The following PRRC2C variants were observed in gnomAD, a reference collection of about 807,000 sequenced individuals.
PRRC2C encodes protein PRRC2C.
Under a neutral mutation model 317.2 loss-of-function variants are expected in PRRC2C, and 72 were observed. That is an observed-to-expected ratio of 0.23 (90% confidence interval 0.19 to 0.28). The LOEUF (loss-of-function observed/expected upper bound fraction) is 0.28. Ranked by LOEUF, PRRC2C falls within the 10% of genes least tolerant of loss-of-function variation. The pLI is 1.00. For missense variants in PRRC2C, 3,074 were observed against 3,459.7 expected (o/e 0.89, Z 2.80); for synonymous variants, 1,296 against 1,205.9 (o/e 1.07, Z -1.55).
intron 23 of PRRC2C, among the ~76,000 whole-genome samples, chr1:171,568,821 A>G (rs989557661): frequency 6.6e-6 from 1 of 151,298 alleles, no homozygotes; most frequent in Non-Finnish European, 1.5e-5. Context: ...TGTTAACAAC[A>G]TTCTTGTTGT....
chr1:171,501,921 TTC>T (rs1669183048), intron 1 of PRRC2C, among the ~76,000 whole-genome samples: 1 of 152,258 alleles, frequency 6.6e-6, no homozygotes, highest in Non-Finnish European at 1.5e-5. Flanking sequence ...TACTAGCTTT[TTC>T]CTCCAGTGGC....
At position 171,579,734 on chromosome 1, in the gene PRRC2C, T is replaced by C. The variant is rs993792891; in HGVS notation, c.7273-94T>C. The stretch of plus-strand genomic sequence containing the variant: ...AGCTGATATATAGTATTAATTTTAC[T>C]CTTTTCATGTCTCAAATTTTTATAT... On this transcript the variant is annotated intron_variant, in intron 27 of 34. Coordinates refer to ENST00000647382, the MANE Select transcript of PRRC2C (RefSeq NM_001387844.1). 18 of 1,379,336 alleles carry C rather than the reference T, an allele frequency of 1.3e-5. No homozygotes were observed. The Admixed American group carries it at 4.4e-4, about 34-fold the overall frequency. 85.4% of individuals were successfully genotyped at this position (1,379,336 alleles called of 1,614,324 possible).
At chr1:171,496,471 A>G (rs1339321956) in intron 1 of PRRC2C, among the ~76,000 whole-genome samples, 1 of 151,700 alleles carries the variant, frequency 6.6e-6, no homozygotes, top group African/African-American at 2.4e-5. Flanking sequence ...CCAGAGTGCT[A>G]GGATTACAGA....
intron 26 of PRRC2C, among the ~76,000 whole-genome samples, chr1:171,578,056 A>G (rs1203447074): frequency 6.7e-6 from 1 of 148,160 alleles, no homozygotes; most frequent in African/African-American, 2.5e-5. Context: ...TCAGCCTCCC[A>G]AAGTGCTGGA....
At position 171,589,570 on chromosome 1, in the gene PRRC2C, G is replaced by T. The variant is rs1650889072; in HGVS notation, c.8401G>T (p.Ala2801Ser). 3.1e-6 allele frequency: 4 copies of T among 1,289,592 alleles called. No individual in the cohort carries two copies. The highest frequency in any genetic ancestry group is 4.0e-6 in the Non-Finnish European group (4 of 988,856). 79.9% of individuals were successfully genotyped at this position (1,289,592 alleles called of 1,614,324 possible). A position where few individuals can be genotyped will look rare whatever the true frequency, so the allele number is the denominator to read the frequency against. The change falls in exon 34 of 35, where the codon GCC (alanine) becomes TCC (serine). Residue 2801 changes from alanine (A) to serine (S), a missense_variant. Physicochemically the swap from Ala to Ser is moderately conservative, Grantham distance 99. This residue lies in a region of PRRC2C where 490 missense variants were observed against 663.1 expected (regional missense o/e 0.74). Transcript: ENST00000647382. ...ACTATCTGGAGTCAGAGGTAATCAG[G>T]CCCAGGCTGCGTTGAAGGCTGAACA... ...GSLSGVRGNQ[A>S]QAALKAEQDM...
chr1:171,500,886 A>G (rs992983807), intron 1 of PRRC2C, among the ~76,000 whole-genome samples: 1 of 152,086 alleles, frequency 6.6e-6, no homozygotes, highest in Non-Finnish European at 1.5e-5. Flanking sequence ...GAAAATGCAG[A>G]TGCACATGTC....
In PRRC2C at chr1:171,557,808, C is replaced by T. The variant is rs1296688415; in HGVS notation, c.5696C>T (p.Ala1899Val). The stretch of plus-strand genomic sequence containing the variant: ...ACAGCACCAACTATCCCAGCCTCAG[C>T]CCCAACTGCCTCAGTCCCACTTGCC... ...VITAPTIPASAPTASVPLAPA... is the reference protein window; with the variant it reads ...VITAPTIPASVPTASVPLAPA... The change falls in exon 19 of 35, where the codon GCC becomes GTC. Residue 1899 changes from alanine (A) to valine (V), a missense_variant. Physicochemically the swap from Ala to Val is moderately conservative, Grantham distance 64. Transcript: ENST00000647382. 3 of 1,550,166 alleles carry T rather than the reference C, an allele frequency of 1.9e-6. No individual in the cohort carries two copies. Among genetic ancestry groups the T allele is most frequent in the South Asian group, 2.4e-5 (2 of 83,926 alleles).
intron 5 of PRRC2C, among the ~76,000 whole-genome samples, chr1:171,517,389 G>A (rs1672574277): frequency 6.6e-6 from 1 of 152,008 alleles, no homozygotes; most frequent in Non-Finnish European, 1.5e-5. Context: ...TGCTTGTGGT[G>A]ACACCCTCTG....
In PRRC2C at chr1:171,568,283, T is replaced by C. The variant is rs1458909571; in HGVS notation, c.6595T>C (p.Leu2199=). The change falls in exon 23 of 35, where the codon TTG becomes CTG. Residue 2199 remains leucine, a synonymous_variant. Coordinates refer to ENST00000647382, the MANE Select transcript of PRRC2C (RefSeq NM_001387844.1). ...VTDYTTPSSS[L]PNTVATNNTK... ...AGACTATACTACACCCTCTTCTTCT[T>C]TGCCTAACACCGTGGCTACTAATAA... 6.2e-7 allele frequency: 1 copy of C among 1,610,860 alleles called. No individual in the cohort carries two copies. Among genetic ancestry groups the C allele is most frequent in the East Asian group, 2.2e-5 (1 of 44,840 alleles).
chr1:171,547,911 C>A (rs377554721), intron 17 of PRRC2C, among the ~76,000 whole-genome samples: 15 of 152,028 alleles, frequency 9.9e-5, no homozygotes, highest in African/African-American at 3.6e-4. Flanking sequence ...CCTTGGCCTC[C>A]CAAAGTGCTG....
chr1:171,493,751 C>T lies in PRRC2C; in HGVS notation c.-58+8016C>T, dbSNP rs960703655. ...TGGAGAATTGCTTGAGCCTGGGAGGCGGAGATCCTACCACTGCACTCTAGC... is the reference window on the plus strand; with the variant it reads ...TGGAGAATTGCTTGAGCCTGGGAGGTGGAGATCCTACCACTGCACTCTAGC... On this transcript the variant is annotated intron_variant, in intron 1 of 34. Transcript: ENST00000647382. Among the ~76,000 whole-genome samples the T allele has an allele frequency of 3.3e-5, 5 of 152,078 alleles. No individual in the cohort carries two copies. In the East Asian group the frequency reaches 7.7e-4, roughly 24 times the overall value.
intron 6 of PRRC2C, among the ~76,000 whole-genome samples, chr1:171,519,522 A>G (rs1033835672): frequency 2.0e-5 from 3 of 152,086 alleles, no homozygotes; most frequent in Non-Finnish European, 4.4e-5. Flanking sequence ...TGTTGATACT[A>G]TCTTTAATTT....
intron 1 of PRRC2C, among the ~76,000 whole-genome samples, chr1:171,507,502 T>C (rs79419933): frequency 0.033 from 5,043 of 152,192 alleles, 114 homozygotes; most frequent in Non-Finnish European, 0.047. Flanking sequence ...TCCCAACTAC[T>C]TGGGAGGCAG....
chr1:171,528,843 G>A (rs1327494178), intron 11 of PRRC2C, among the ~76,000 whole-genome samples: 1 of 151,900 alleles, frequency 6.6e-6, no homozygotes, highest in Non-Finnish European at 1.5e-5. Context: ...ACAGGGTCTT[G>A]CTTTGTGGCC....
intron 1 of PRRC2C, among the ~76,000 whole-genome samples, chr1:171,505,363 A>G (rs538457745): frequency 2.6e-5 from 4 of 152,078 alleles, no homozygotes; most frequent in Non-Finnish European, 5.9e-5. Flanking sequence ...AAATGGCACT[A>G]TATGTAATTT....
chr1:171,588,416 A>G lies in PRRC2C; in HGVS notation c.8110A>G (p.Met2704Val), dbSNP rs1227694115. The change falls in exon 33 of 35, where the codon ATG becomes GTG. Residue 2704 changes from methionine (M) to valine (V), a missense_variant. Physicochemically the swap from Met to Val is conservative, Grantham distance 21. Coordinates refer to ENST00000647382, the MANE Select transcript of PRRC2C (RefSeq NM_001387844.1). ...STSPNSQSSK[M>V]NSIVYQKQFQ... Reference sequence around the variant, plus strand: ...AAGTCCGAACAGCCAGTCCAGCAAAATGAACAGCATTGTCTACCAGAAGCA... The same window carrying G: ...AAGTCCGAACAGCCAGTCCAGCAAAGTGAACAGCATTGTCTACCAGAAGCA... 6 of 1,613,676 alleles carry G rather than the reference A, an allele frequency of 3.7e-6. No homozygotes were observed. Among genetic ancestry groups the G allele is most frequent in the Non-Finnish European group, 5.1e-6 (6 of 1,179,742 alleles).
intron 1 of PRRC2C, among the ~76,000 whole-genome samples, chr1:171,506,675 T>C (rs1003914208): frequency 6.1e-5 from 8 of 131,636 alleles, no homozygotes; most frequent in African/African-American, 2.3e-4. Flanking sequence ...TCAGATTCAC[T>C]ATTTTTTTTC....
chr1:171,515,641 GAGAA>G, intron 4 of PRRC2C, 89 bp from the exon 5 acceptor site: 1 of 1,075,644 alleles, frequency 9.3e-7, no homozygotes, highest in African/African-American at 1.6e-5. Context: ...AATAATTTAA[GAGAA>G]AGAGGCAGAG....
At position 171,514,635 on chromosome 1, in the gene PRRC2C, G is replaced by A. The variant is rs990920482; in HGVS notation, c.390G>A (p.Gly130=). The A allele has an allele frequency of 1.9e-6, 3 of 1,555,814 alleles. No homozygotes were observed. The African/African-American group carries it at 4.1e-5, about 21-fold the overall frequency. ...PKSWASNKQG[G]QGDGIQVNSQ... The stretch of plus-strand genomic sequence containing the variant: ...CATGGGCCAGTAACAAGCAAGGTGG[G>A]CAAGGAGATGGTAAGTGGACATTAG... The change falls in exon 4 of 35, where the codon GGG becomes GGA. Residue 130 remains glycine, a synonymous_variant. Coordinates refer to ENST00000647382, the MANE Select transcript of PRRC2C (RefSeq NM_001387844.1).
Sources: allele counts gnomAD v4.1 joint callset (sites outside exome capture counted in the v4.1 genomes callset), GRCh38; gene constraint gnomAD v4.1.1; regional missense constraint gnomAD v4.1.1; transcripts MANE v1.5; gene names NCBI Gene and HGNC (gene_info 2026-07-23, HGNC 2026-07-21).